The following PTPRT variants were observed in gnomAD, a reference collection of about 807,000 sequenced individuals.
The protein encoded by PTPRT is receptor-type tyrosine-protein phosphatase T.
In PTPRT, 56 loss-of-function variants were observed where a neutral mutation model predicts 176.8. The observed-to-expected ratio is 0.32, with a 90% confidence interval of 0.26 to 0.40. The LOEUF is 0.40. PTPRT is among the 10% of genes least tolerant of loss of function. PTPRT has a pLI of 1.00. For synonymous variants in PTPRT, 783 were observed against 739.0 expected (o/e 1.06, Z -0.96); for missense variants, 1,540 against 1,908.2 (o/e 0.81, Z 3.60).
At chr20:42,954,965 A>C (rs1981529206) in intron 1 of PTPRT, among the ~76,000 whole-genome samples, 1 of 151,790 alleles carries the variant, frequency 6.6e-6, no homozygotes, top group Non-Finnish European at 1.5e-5. Context: ...AGGTTAAGGA[A>C]GGGTAGAAAG....
intron 22 of PTPRT, among the ~76,000 whole-genome samples, chr20:42,112,707 T>A (rs2146301876): frequency 6.6e-6 from 1 of 152,166 alleles, no homozygotes; most frequent in Admixed American, 6.5e-5. Flanking sequence ...GCCTTCCCCC[T>A]GCAAACTCTC....
intron 9 of PTPRT, among the ~76,000 whole-genome samples, chr20:42,380,725 C>T (rs754157206): frequency 1.7e-4 from 26 of 152,208 alleles, no homozygotes; most frequent in South Asian, 1.5e-3. Flanking sequence ...CTGAGCTCCC[C>T]GACAGTAGGG....
At chr20:43,038,077 T>C (rs1036187505) in intron 1 of PTPRT, among the ~76,000 whole-genome samples, 1 of 151,282 alleles carries the variant, frequency 6.6e-6, no homozygotes, top group Non-Finnish European at 1.5e-5. Context: ...TTTATCTGAC[T>C]TAGCTTTGCA....
At chr20:42,860,243 T>A (rs953836369) in intron 2 of PTPRT, among the ~76,000 whole-genome samples, 2 of 152,168 alleles carry the variant, frequency 1.3e-5, no homozygotes, top group African/African-American at 4.8e-5. Flanking sequence ...ACCCCTCTGT[T>A]TTAAGGACAT....
At chr20:42,398,534 T>C (rs2058873540) in intron 9 of PTPRT, among the ~76,000 whole-genome samples, 1 of 152,182 alleles carries the variant, frequency 6.6e-6, no homozygotes, top group Non-Finnish European at 1.5e-5. Flanking sequence ...GTGTATTATT[T>C]CATGAAATAT....
chr20:42,719,526 C>G (rs376566215), intron 6 of PTPRT, among the ~76,000 whole-genome samples: 1 of 152,168 alleles, frequency 6.6e-6, no homozygotes, highest in Non-Finnish European at 1.5e-5. Context: ...GCTCTATAGC[C>G]GTGGTCCTTG....
chr20:42,187,449 C>G (rs1990825582), intron 16 of PTPRT, among the ~76,000 whole-genome samples: 1 of 151,996 alleles, frequency 6.6e-6, no homozygotes. Flanking sequence ...AGGAAGCAAC[C>G]CAGAGAATTA....
intron 17 of PTPRT, among the ~76,000 whole-genome samples, chr20:42,157,503 G>A (rs149206520): frequency 0.02 from 3,068 of 151,802 alleles, 29 homozygotes; most frequent in African/African-American, 0.031. Flanking sequence ...CCACCATCAC[G>A]CCTGGCTAAT....
In PTPRT at chr20:42,323,430, A is replaced by C. The variant is rs1176737819; in HGVS notation, c.1866-7434T>G. Among the ~76,000 whole-genome samples, 3 of 152,218 alleles carry C rather than the reference A, an allele frequency of 2.0e-5. No homozygotes were observed. The East Asian group carries it at 5.8e-4, about 29-fold the overall frequency. ...ATACACCATGGAATACTATGCAGCC[A>C]TAAAAAATGATGAGTTCATGTCCTT... On this transcript the variant is annotated intron_variant, in intron 11 of 30. Coordinates refer to ENST00000373187, the MANE Select transcript of PTPRT (RefSeq NM_007050.6).
intron 2 of PTPRT, among the ~76,000 whole-genome samples, chr20:42,883,678 C>T (rs546916652): frequency 2.3e-3 from 222 of 95,208 alleles, no homozygotes; most frequent in Non-Finnish European, 4.0e-3. Flanking sequence ...TACAAACACA[C>T]GGACACACAC....
chr20:42,522,831 A>G (rs1173773502), intron 7 of PTPRT, among the ~76,000 whole-genome samples: 2 of 152,060 alleles, frequency 1.3e-5, no homozygotes, highest in African/African-American at 4.8e-5. Flanking sequence ...TTTATATGAA[A>G]TTGGTTTCCC....
chr20:42,641,377 G>A (rs2074745959), intron 7 of PTPRT, among the ~76,000 whole-genome samples: 1 of 152,296 alleles, frequency 6.6e-6, no homozygotes, highest in African/African-American at 2.4e-5. Context: ...AGTGAGAGCT[G>A]AGAGTATAGG....
intron 7 of PTPRT, among the ~76,000 whole-genome samples, chr20:42,526,956 CTTTTTTTTTTT>C (rs915511549): frequency 2.5e-5 from 2 of 78,714 alleles, no homozygotes; most frequent in Non-Finnish European, 4.6e-5. Context: ...GTTCTTTTTT[CTTTTTTTTTTT>C]TTTTTTTTTT....
Position 42,746,140 on chromosome 20 carries a change from T to C in PTPRT, c.859+10322A>G, listed in dbSNP as rs555502429. On this transcript the variant is annotated intron_variant, in intron 6 of 30. Coordinates refer to ENST00000373187, the MANE Select transcript of PTPRT (RefSeq NM_007050.6). Reference sequence around the variant, plus strand: ...GCAGCTGATAAAGTAGTCAAAATAATTCAAGGAAACCAATACTTATCAGGT... The same window carrying C: ...GCAGCTGATAAAGTAGTCAAAATAACTCAAGGAAACCAATACTTATCAGGT... Among the ~76,000 whole-genome samples the C allele has an allele frequency of 4.6e-5, 7 of 152,342 alleles. No individual in the cohort carries two copies. The South Asian group carries it at 1.2e-3, about 27-fold the overall frequency.
chr20:42,473,014 A>G (rs1318236667), intron 7 of PTPRT, among the ~76,000 whole-genome samples: 1 of 152,096 alleles, frequency 6.6e-6, no homozygotes, highest in Non-Finnish European at 1.5e-5. Context: ...TCTCCTCTTC[A>G]GCCAACAACA....
intron 17 of PTPRT, among the ~76,000 whole-genome samples, chr20:42,154,862 G>C (rs190792873): frequency 1.3e-5 from 2 of 152,306 alleles, no homozygotes; most frequent in East Asian, 1.9e-4. Context: ...CTGGAGCTGG[G>C]GGGGAAGCAG....
At chr20:43,176,460 G>T (rs553034155) in intron 1 of PTPRT, among the ~76,000 whole-genome samples, 24 of 152,270 alleles carry the variant, frequency 1.6e-4, no homozygotes, top group Admixed American at 1.5e-3. Flanking sequence ...TAACACCTAG[G>T]TTCTTCTCCA....
chr20:42,228,525 A>T (rs746822660), intron 15 of PTPRT, among the ~76,000 whole-genome samples: 10 of 152,208 alleles, frequency 6.6e-5, no homozygotes, highest in Non-Finnish European at 1.3e-4. Flanking sequence ...CACATTTATA[A>T]TTGTGTCATG....
At chr20:42,039,202 T>A in the PTPRT span, among the ~76,000 whole-genome samples, 1 of 152,204 alleles carries the variant, frequency 6.6e-6, no homozygotes. Flanking sequence ...TAATTTATTT[T>A]AAAAATGTTT....
Sources: gnomAD v4.1 joint callset for allele counts (sites outside exome capture counted in the v4.1 genomes callset) on GRCh38, gnomAD v4.1.1 for gene constraint, MANE v1.5 for transcripts, NCBI Gene and HGNC (gene_info 2026-07-23, HGNC 2026-07-21) for gene names.